RFC3: variants seen among roughly 807,000 people sequenced by gnomAD.
The protein encoded by RFC3 is replication factor C subunit 3, also known as A1 38 kDa subunit.
A neutral mutation model predicts 45.1 loss-of-function variants in RFC3; 41 were observed. The ratio of observed to expected loss-of-function variants is 0.91; its 90% confidence interval spans 0.71 to 1.18. The LOEUF (loss-of-function observed/expected upper bound fraction) is 1.18. Ranked by LOEUF, RFC3 falls within the 50% of genes most tolerant of loss-of-function variation. The pLI is 0.00. For missense variants in RFC3, 423 were observed against 428.1 expected (o/e 0.99, Z 0.10); for synonymous variants, 149 against 144.0 (o/e 1.03, Z -0.25).
downstream of RFC3, among the ~76,000 whole-genome samples, chr13:33,971,197 G>T (rs950561094): frequency 1.3e-5 from 2 of 152,088 alleles, no homozygotes; most frequent in Non-Finnish European, 2.9e-5. Flanking sequence ...TCTCTTTTGC[G>T]ATCATTTCAG....
chr13:33,945,283 T>C (rs1394309271), intron 8 of RFC3, among the ~76,000 whole-genome samples: 4 of 152,236 alleles, frequency 2.6e-5, no homozygotes, highest in African/African-American at 7.2e-5. Flanking sequence ...TATGTCCTTA[T>C]GATTTTCCAT....
At chr13:33,905,402 A>T (rs890377073) in intron 8 of RFC3, among the ~76,000 whole-genome samples, 3 of 151,038 alleles carry the variant, frequency 2.0e-5, no homozygotes, top group African/African-American at 7.4e-5. Context: ...ATCATCGCTG[A>T]TTTCTTTCAC....
At chr13:33,932,268 T>C (rs1401065767) in intron 8 of RFC3, among the ~76,000 whole-genome samples, 1 of 152,118 alleles carries the variant, frequency 6.6e-6, no homozygotes, top group Non-Finnish European at 1.5e-5. Context: ...CTTAATGCCA[T>C]TAAAAAAGTT....
At chr13:33,894,232 G>T (rs1409997849) in intron 8 of RFC3, among the ~76,000 whole-genome samples, 1 of 152,158 alleles carries the variant, frequency 6.6e-6, no homozygotes, top group Non-Finnish European at 1.5e-5. Flanking sequence ...CCACTGGGTA[G>T]CCTGGCAATC....
the RFC3 span, among the ~76,000 whole-genome samples, chr13:33,974,057 G>T: frequency 6.6e-6 from 1 of 152,050 alleles, no homozygotes; most frequent in Non-Finnish European, 1.5e-5. Flanking sequence ...AGTAACAGTG[G>T]GTACCACACA....
chr13:33,857,696 G>A (rs2137526312), intron 8 of RFC3, among the ~76,000 whole-genome samples: 2 of 152,228 alleles, frequency 1.3e-5, no homozygotes, highest in Non-Finnish European at 2.9e-5. Flanking sequence ...CCTTTTCAGA[G>A]TCCTTAATTT....
In RFC3 at chr13:33,953,252, G is replaced by T. The variant is rs140216952; in HGVS notation, c.880-12835G>T. On this transcript the variant is annotated intron_variant, in intron 8 of 8. Transcript: ENST00000434425. ...TATTCTGTTGCTCTGAATTATTAGC[G>T]GTCTAGATCTAGGCTGGACTTTGAG... Among the ~76,000 whole-genome samples, 9 of 150,800 alleles carry T rather than the reference G, an allele frequency of 6.0e-5. 1 individual carries two copies. The South Asian group carries it at 1.3e-3, about 21-fold the overall frequency.
intron 8 of RFC3, among the ~76,000 whole-genome samples, chr13:33,904,097 A>C (rs546142247): frequency 3.3e-5 from 5 of 151,072 alleles, no homozygotes; most frequent in Non-Finnish European, 7.4e-5. Flanking sequence ...ACATACTAAA[A>C]TTGTTTATGG....
chr13:33,883,136 T>G (rs1411868922), intron 8 of RFC3, among the ~76,000 whole-genome samples: 1 of 152,214 alleles, frequency 6.6e-6, no homozygotes, highest in Non-Finnish European at 1.5e-5. Context: ...TACCCAGGCA[T>G]GTAATTGATG....
chr13:33,948,396 G>GGAGAA (rs2082967803), intron 8 of RFC3, among the ~76,000 whole-genome samples: 1 of 152,204 alleles, frequency 6.6e-6, no homozygotes, highest in African/African-American at 2.4e-5. Flanking sequence ...GGATGTTCAG[G>GGAGAA]CACAAGTTTG....
downstream of RFC3, among the ~76,000 whole-genome samples, chr13:33,967,832 T>G (rs2083095360): frequency 6.6e-6 from 1 of 152,122 alleles, no homozygotes; most frequent in Non-Finnish European, 1.5e-5. Context: ...GTTCTCAAAC[T>G]TATTTGACCA....
intron 8 of RFC3, among the ~76,000 whole-genome samples, chr13:33,964,307 A>C (rs2083074804): frequency 6.6e-6 from 1 of 152,224 alleles, no homozygotes; most frequent in Non-Finnish European, 1.5e-5. Context: ...TTTTAAAAGC[A>C]ATTATCAATC....
chr13:33,896,550 C>G (rs915360454), intron 8 of RFC3, among the ~76,000 whole-genome samples: 5 of 151,200 alleles, frequency 3.3e-5, no homozygotes, highest in African/African-American at 1.2e-4. Context: ...ATGGTGAAAC[C>G]CTGATTCTGC....
chr13:33,937,165 C>T (rs2082891963), intron 8 of RFC3, among the ~76,000 whole-genome samples: 1 of 152,070 alleles, frequency 6.6e-6, no homozygotes, highest in African/African-American at 2.4e-5. Flanking sequence ...ATTACAATAC[C>T]ATATGTTCAC....
chr13:33,860,295 G>A (rs1474337780), intron 8 of RFC3, among the ~76,000 whole-genome samples: 1 of 94,860 alleles, frequency 1.1e-5, no homozygotes, highest in Admixed American at 1.0e-4. Flanking sequence ...AGCAAAATGG[G>A]GACTCAGGAA....
chr13:33,869,506 TAC>T (rs2082394329), intron 8 of RFC3, among the ~76,000 whole-genome samples: 1 of 151,982 alleles, frequency 6.6e-6, no homozygotes, highest in Non-Finnish European at 1.5e-5. Flanking sequence ...CAATAGAAAA[TAC>T]AATCCTTTTC....
In RFC3 at chr13:33,836,491, A is replaced by G; in HGVS notation, c.*196A>G. ...ATACTATTGAAGTATGTAGTTTTGT[A>G]CATAACTTAGAGACTTTAGAGTCTA... On this transcript the variant is annotated 3_prime_UTR_variant, in exon 9 of 9. Transcript: ENST00000380071. 1 of 1,327,192 alleles carries G rather than the reference A, an allele frequency of 7.5e-7. No individual in the cohort carries two copies. The highest frequency in any genetic ancestry group is 9.7e-7 in the Non-Finnish European group (1 of 1,035,674). 82.2% of individuals were successfully genotyped at this position (1,327,192 alleles called of 1,614,324 possible).
At chr13:33,905,695 C>T (rs1364741850) in intron 8 of RFC3, among the ~76,000 whole-genome samples, 1 of 151,944 alleles carries the variant, frequency 6.6e-6, no homozygotes, top group Non-Finnish European at 1.5e-5. Flanking sequence ...TAAGTGCACT[C>T]TAAATATTAT....
At chr13:33,841,451 A>C (rs1593628457), downstream of RFC3, among the ~76,000 whole-genome samples, 1 of 152,210 alleles carries the variant, frequency 6.6e-6, no homozygotes, top group African/African-American at 2.4e-5. Context: ...GGTTGCCCTC[A>C]ATTTCAGACA....
Sources: gnomAD v4.1 joint callset for allele counts (sites outside exome capture counted in the v4.1 genomes callset) on GRCh38, gnomAD v4.1.1 for gene constraint, MANE v1.5 for transcripts, NCBI Gene and HGNC (gene_info 2026-07-23, HGNC 2026-07-21) for gene names.